The following OR6K2 variants were observed in gnomAD, a reference collection of about 807,000 sequenced individuals.
OR6K2 encodes olfactory receptor 6K2.
For synonymous variants in OR6K2, 139 were observed against 143.8 expected, an observed-to-expected ratio of 0.97 and a Z score of 0.24; for missense variants, 450 against 402.5, an observed-to-expected ratio of 1.12 and a Z score of -1.01.
In OR6K2 at chr1:158,699,803, G is replaced by A. The variant is rs774223413; in HGVS notation, c.850C>T (p.Pro284Ser). 2.2e-5 allele frequency: 36 copies of A among 1,613,980 alleles called. No homozygotes were observed. The Admixed American group carries it at 4.5e-4, about 20-fold the overall frequency. Residue 284 changes from proline to serine, a missense_variant, in exon 1 of 1, where the codon CCC becomes TCC. Coordinates refer to ENST00000359610, the MANE Select transcript of OR6K2 (RefSeq NM_001005279.3). ...AIALAFAVLS[P>S]FFNPIIYSLR... Reference sequence around the variant, plus strand: ...CTATAGATAATGGGGTTGAAGAAGGGAGACAAAACTGCAAAGGCCAGAGCA... The same window carrying A: ...CTATAGATAATGGGGTTGAAGAAGGAAGACAAAACTGCAAAGGCCAGAGCA...
Position 158,700,056 on chromosome 1 carries a change from T to C in OR6K2, c.597A>G (p.Val199=), listed in dbSNP as rs528939716. Residue 199 remains valine, a synonymous_variant, in exon 1 of 1, where the codon GTA becomes GTG. Transcript: ENST00000359610. ...TCTCCACTGCATGAATGACATCCAC[T>C]ACCTGAATCATGACGATGGCTCGTG... The part of the protein sequence containing the change: ...TDTRAIVMIQ[V]VDVIHAVEII... 1.6e-5 allele frequency: 26 copies of C among 1,614,150 alleles called. No homozygotes were observed. The highest frequency in any genetic ancestry group is 2.1e-5 in the Non-Finnish European group (25 of 1,180,026).
At position 158,700,227 on chromosome 1, in the gene OR6K2, T is replaced by C; in HGVS notation, c.426A>G (p.Gln142=). 3 of 1,613,810 alleles carry C rather than the reference T, an allele frequency of 1.9e-6. No homozygotes were observed. The highest frequency in any genetic ancestry group is 2.5e-6 in the Non-Finnish European group (3 of 1,179,930). The part of the protein sequence containing the change: ...PSIMTPKLCT[Q]LTLSCCVCGF... Reference sequence around the variant, plus strand: ...CACAAACACAGCAACTTAAAGTCAGTTGGGTACATAGCTTGGGGGTCATGA... The same window carrying C: ...CACAAACACAGCAACTTAAAGTCAGCTGGGTACATAGCTTGGGGGTCATGA... Residue 142 remains glutamine, a synonymous_variant, in exon 1 of 1, where the codon CAA becomes CAG. Coordinates refer to ENST00000359610, the MANE Select transcript of OR6K2 (RefSeq NM_001005279.3).
Position 158,699,711 on chromosome 1 carries a change from G to A in OR6K2, c.942C>T (p.Ser314=), listed in dbSNP as rs912488831. ...TCTTACTTGAGGTCCCTGGTCTTAC[G>A]GAAAAAAATATCTTAGCTTGACCTA... ...KHIGQAKIFF[S]VRPGTSSKIF is the part of the protein sequence containing the mutation. The change falls in exon 1 of 1, where the codon TCC becomes TCT. Residue 314 remains serine (S), a synonymous_variant. Coordinates refer to ENST00000359610, the MANE Select transcript of OR6K2 (RefSeq NM_001005279.3). The A allele has an allele frequency of 1.2e-5, 20 of 1,611,478 alleles. No individual in the cohort carries two copies. The highest frequency in any genetic ancestry group is 1.1e-4 in the African/African-American group (8 of 74,558).
At position 158,700,208 on chromosome 1, in the gene OR6K2, C is replaced by G. The variant is rs1558009014; in HGVS notation, c.445G>C (p.Val149Leu). Reference protein sequence around the residue: ...LCTQLTLSCCVCGFITPLPEI... With the variant: ...LCTQLTLSCCLCGFITPLPEI... ...GGAAGGGGTGTGATAAAGCCACAAA[C>G]ACAGCAACTTAAAGTCAGTTGGGTA... is the stretch of plus-strand genomic sequence containing the variant. Residue 149 changes from valine to leucine, a missense_variant, in exon 1 of 1, where the codon GTT (valine) becomes CTT (leucine). Coordinates refer to ENST00000359610, the MANE Select transcript of OR6K2 (RefSeq NM_001005279.3). The G allele has an allele frequency of 6.2e-7, 1 of 1,613,904 alleles. No homozygotes were observed. The highest frequency in any genetic ancestry group is 2.2e-5 in the East Asian group (1 of 44,870).
At position 158,700,070 on chromosome 1, in the gene OR6K2, C is replaced by T. The variant is rs369203639; in HGVS notation, c.583G>A (p.Val195Ile). The T allele has an allele frequency of 1.1e-5, 17 of 1,614,178 alleles. No homozygotes were observed. The highest frequency in any genetic ancestry group is 3.3e-5 in the South Asian group (3 of 91,090). ...ATGACATCCACTACCTGAATCATGA[C>T]GATGGCTCGTGTGTCTGTGCAGGCC... ...RLACTDTRAI[V>I]MIQVVDVIHA... is the part of the protein sequence containing the mutation. The change falls in exon 1 of 1, where the codon GTC (valine) becomes ATC (isoleucine). Residue 195 changes from valine to isoleucine, a missense_variant. Transcript: ENST00000359610.
rs780877358 is a variant in OR6K2, at chr1:158,699,924, GAC to G, written c.727_728del (p.Val243LeufsTer49). 13 of 1,614,064 alleles carry G rather than the reference GAC, an allele frequency of 8.1e-6. No homozygotes were observed. In the African/African-American group the frequency reaches 1.6e-4, roughly 20 times the overall value. On this transcript the variant is annotated frameshift_variant, in exon 1 of 1. Coordinates refer to ENST00000359610, the MANE Select transcript of OR6K2 (RefSeq NM_001005279.3). LOFTEE classifies it high-confidence loss of function. ...AGAGCGAAAAGACAATGAAGTGAGA[GAC>G]ACACGTGGAAAATGCTGTGCGGCGG... ...GGRRTAFSTCVSHFIVFSLFF... is the reference protein window; with the variant it reads ...GGRRTAFSTCXSHFIVFSLFF...
Position 158,700,048 on chromosome 1 carries a change from A to G in OR6K2, c.605T>C (p.Val202Ala), listed in dbSNP as rs745489950. 2 of 1,614,060 alleles carry G rather than the reference A, an allele frequency of 1.2e-6. No individual in the cohort carries two copies. The highest frequency in any genetic ancestry group is 1.3e-5 in the African/African-American group (1 of 74,944). The change falls in exon 1 of 1, where the codon GTC becomes GCC. Residue 202 changes from valine to alanine, a missense_variant. Physicochemically the swap from Val to Ala is moderately conservative, Grantham distance 64. Transcript: ENST00000359610. ...TGTAATAATCTCCACTGCATGAATGACATCCACTACCTGAATCATGACGAT... is the reference window on the plus strand; with the variant it reads ...TGTAATAATCTCCACTGCATGAATGGCATCCACTACCTGAATCATGACGAT... ...RAIVMIQVVD[V>A]IHAVEIITAV... is the part of the protein sequence containing the mutation.
Position 158,700,620 on chromosome 1 carries a change from C to T in OR6K2, c.33G>A (p.Glu11=), listed in dbSNP as rs764714905. The change falls in exon 1 of 1, where the codon GAG becomes GAA. Residue 11 remains glutamate (E), a synonymous_variant. Coordinates refer to ENST00000359610, the MANE Select transcript of OR6K2 (RefSeq NM_001005279.3). MESPNRTTIQ[E]FIFSAFPYSW... ...AATAAGGGAAAGCGGAGAAGATAAA[C>T]TCCTGAATGGTGGTTCGATTGGGGC... The T allele has an allele frequency of 1.2e-6, 2 of 1,612,858 alleles. No homozygotes were observed. The highest frequency in any genetic ancestry group is 1.7e-4 in the Middle Eastern group (1 of 6,060).
Position 158,700,123 on chromosome 1 carries a change from A to C in OR6K2, c.530T>G (p.Phe177Cys). ...FCGSNHLEHI[F>C]CDFLPVLRLA... The stretch of plus-strand genomic sequence containing the variant: ...ACGCAGCACTGGGAGGAAGTCACAG[A>C]AGATATGTTCAAGGTGATTCGAACC... Residue 177 changes from phenylalanine (F) to cysteine (C), a missense_variant, in exon 1 of 1, where the codon TTC (phenylalanine) becomes TGC (cysteine). Physicochemically the swap from Phe to Cys is radical, Grantham distance 205 (BLOSUM62 -2). Coordinates refer to ENST00000359610, the MANE Select transcript of OR6K2 (RefSeq NM_001005279.3). 1 of 1,614,176 alleles carries C rather than the reference A, an allele frequency of 6.2e-7. No homozygotes were observed. The highest frequency in any genetic ancestry group is 8.5e-7 in the Non-Finnish European group (1 of 1,180,034).
rs139620465 is a variant in OR6K2, at chr1:158,700,274, T to C, written c.379A>G (p.Ser127Gly). The stretch of plus-strand genomic sequence containing the variant: ...ATGATAGAGGGATAATGAAGAGGGC[T>C]GCATATGGCCAGGTAGTGGTCAAAG... ...MAFDHYLAIC[S>G]PLHYPSIMTP... Residue 127 changes from serine to glycine, a missense_variant, in exon 1 of 1, where the codon AGC (serine) becomes GGC (glycine). Physicochemically the swap from Ser to Gly is moderately conservative, Grantham distance 56 (BLOSUM62 0). Transcript: ENST00000359610. The C allele has an allele frequency of 1.0e-4, 166 of 1,613,862 alleles. No individual in the cohort carries two copies. The highest frequency in any genetic ancestry group is 1.3e-4 in the Non-Finnish European group (158 of 1,180,000).
chr1:158,699,980 C>T lies in OR6K2; in HGVS notation c.673G>A (p.Val225Ile). Residue 225 changes from valine to isoleucine, a missense_variant, in exon 1 of 1, where the codon GTA becomes ATA. Val to Ile is a conservative substitution (Grantham distance 29). Coordinates refer to ENST00000359610, the MANE Select transcript of OR6K2 (RefSeq NM_001005279.3). ...IFMSYDGIVA[V>I]ILRIHSAGGR... Reference sequence around the variant, plus strand: ...CCAGCTGAATGAATACGTAGAATTACAGCCACAATACCATCGTAGGACATG... The same window carrying T: ...CCAGCTGAATGAATACGTAGAATTATAGCCACAATACCATCGTAGGACATG... 4 of 1,614,142 alleles carry T rather than the reference C, an allele frequency of 2.5e-6. No individual in the cohort carries two copies. The highest frequency in any genetic ancestry group is 1.1e-5 in the South Asian group (1 of 91,084).
At position 158,700,640 on chromosome 1, in the gene OR6K2, T is replaced by C; in HGVS notation, c.13A>G (p.Asn5Asp). The change falls in exon 1 of 1, where the codon AAT (asparagine) becomes GAT (aspartate). Residue 5 changes from asparagine (N) to aspartate (D), a missense_variant. By Grantham distance (23) the Asn-to-Asp change is conservative. Coordinates refer to ENST00000359610, the MANE Select transcript of OR6K2 (RefSeq NM_001005279.3). MESP[N>D]RTTIQEFIFS... The stretch of plus-strand genomic sequence containing the variant: ...ATAAACTCCTGAATGGTGGTTCGAT[T>C]GGGGCTCTCCATCTCCAAGTTGAAA... 6.2e-7 allele frequency: 1 copy of C among 1,609,612 alleles called. No homozygotes were observed. Among genetic ancestry groups the C allele is most frequent in the Non-Finnish European group, 8.5e-7 (1 of 1,179,086 alleles).
At position 158,699,942 on chromosome 1, in the gene OR6K2, T is replaced by G; in HGVS notation, c.711A>C (p.Thr237=). ...AGTGAGAGACACACGTGGAAAATGC[T>G]GTGCGGCGGCCTCCAGCTGAATGAA... The part of the protein sequence containing the change: ...LRIHSAGGRR[T]AFSTCVSHFI... The change falls in exon 1 of 1, where the codon ACA becomes ACC. Residue 237 remains threonine (T), a synonymous_variant. Coordinates refer to ENST00000359610, the MANE Select transcript of OR6K2 (RefSeq NM_001005279.3). The G allele has an allele frequency of 6.2e-7, 1 of 1,614,170 alleles. No homozygotes were observed. Among genetic ancestry groups the G allele is most frequent in the East Asian group, 2.2e-5 (1 of 44,882 alleles).
chr1:158,700,126 A>G lies in OR6K2; in HGVS notation c.527T>C (p.Ile176Thr), dbSNP rs1401219921. 6.2e-7 allele frequency: 1 copy of G among 1,614,152 alleles called. No homozygotes were observed. Among genetic ancestry groups the G allele is most frequent in the Admixed American group, 1.7e-5 (1 of 60,030 alleles). The part of the protein sequence containing the change: ...PFCGSNHLEH[I>T]FCDFLPVLRL... ...CAGCACTGGGAGGAAGTCACAGAAG[A>G]TATGTTCAAGGTGATTCGAACCACA... The change falls in exon 1 of 1, where the codon ATC (isoleucine) becomes ACC (threonine). Residue 176 changes from isoleucine to threonine, a missense_variant. Ile to Thr is a moderately conservative substitution (Grantham distance 89). Transcript: ENST00000359610.
rs199770256 is a variant in OR6K2 at position 158,700,189 on chromosome 1, G to A, written c.464C>T (p.Pro155Leu). The A allele has an allele frequency of 3.3e-5, 53 of 1,613,256 alleles. No individual in the cohort carries two copies. The Admixed American group carries it at 3.5e-4, about 11-fold the overall frequency. Residue 155 changes from proline to leucine, a missense_variant, in exon 1 of 1, where the codon CCC becomes CTC. Pro to Leu is a moderately conservative substitution (Grantham distance 98, BLOSUM62 -3). Transcript: ENST00000359610. Reference protein sequence around the residue: ...LSCCVCGFITPLPEIAWISTL... With the variant: ...LSCCVCGFITLLPEIAWISTL... ...AGAGATCCAGGCAATCTCAGGAAGG[G>A]GTGTGATAAAGCCACAAACACAGCA...
rs762773359 is a variant in OR6K2 at position 158,699,855 on chromosome 1, G to A, written c.798C>T (p.Thr266=). ...TGGCTATATCCCAGAACAAAGAGTA[G>A]GTGGCAGAGAAGCGTAGGTACATGA... is the stretch of plus-strand genomic sequence containing the variant. The part of the protein sequence containing the change: ...VTLMYLRFSA[T]YSLFWDIAIA... The change falls in exon 1 of 1, where the codon ACC becomes ACT. Residue 266 remains threonine, a synonymous_variant. Coordinates refer to ENST00000359610, the MANE Select transcript of OR6K2 (RefSeq NM_001005279.3). The A allele has an allele frequency of 5.0e-6, 8 of 1,614,024 alleles. No homozygotes were observed. The highest frequency in any genetic ancestry group is 3.3e-5 in the South Asian group (3 of 91,086).
rs748364443 is a variant in OR6K2 at position 158,699,721 on chromosome 1, A to G, written c.932T>C (p.Ile311Thr). The change falls in exon 1 of 1, where the codon ATA becomes ACA. Residue 311 changes from isoleucine (I) to threonine (T), a missense_variant. Ile to Thr is a moderately conservative substitution (Grantham distance 89, BLOSUM62 -1). Coordinates refer to ENST00000359610, the MANE Select transcript of OR6K2 (RefSeq NM_001005279.3). ...GGTCCCTGGTCTTACGGAAAAAAAT[A>G]TCTTAGCTTGACCTATGTGCTTTTT... ...AIKKHIGQAK[I>T]FFSVRPGTSS... The G allele has an allele frequency of 1.2e-6, 2 of 1,612,596 alleles. No homozygotes were observed. The highest frequency in any genetic ancestry group is 1.7e-6 in the Non-Finnish European group (2 of 1,179,570).
rs777921817 is a variant in OR6K2, at chr1:158,700,473, A to T, written c.180T>A (p.Tyr60Ter). The stretch of plus-strand genomic sequence containing the variant: ...GGAAAGAAAGAGCACTGATAAAAGT[A>T]TACATGGGAGTGTGGAGGTGAGTAT... The part of the protein sequence containing the change: ...QLNTHLHTPM[Y>*]TFISALSFLE... Residue 60 changes from tyrosine (Y) to a stop codon, truncating the protein, a stop_gained, in exon 1 of 1, where the codon TAT (tyrosine) becomes TAA (stop). Transcript: ENST00000359610. LOFTEE classifies it high-confidence loss of function. 28 of 1,614,154 alleles carry T rather than the reference A, an allele frequency of 1.7e-5. No individual in the cohort carries two copies. The East Asian group carries it at 5.8e-4, about 33-fold the overall frequency.
rs372572525 is a variant in OR6K2 at position 158,699,903 on chromosome 1, C to G, written c.750G>C (p.Ser250=). The G allele has an allele frequency of 2.7e-5, 44 of 1,613,946 alleles. No homozygotes were observed. The Middle Eastern group carries it at 9.9e-4, about 36-fold the overall frequency. The change falls in exon 1 of 1, where the codon TCG becomes TCC. Residue 250 remains serine (S), a synonymous_variant. Coordinates refer to ENST00000359610, the MANE Select transcript of OR6K2 (RefSeq NM_001005279.3). ...STCVSHFIVF[S]LFFGSVTLMY... ...TGAGAGTCACACTGCCAAAGAAGAG[C>G]GAAAAGACAATGAAGTGAGAGACAC...
Sources: gnomAD v4.1 joint callset for allele counts on GRCh38, gnomAD v4.1.1 for gene constraint, MANE v1.5 for transcripts, NCBI Gene and HGNC (gene_info 2026-07-23, HGNC 2026-07-21) for gene names.